The following EIPR1 variants were observed in gnomAD, a reference collection of about 807,000 sequenced individuals.
The protein encoded by EIPR1 is EARP complex and GARP complex interacting protein 1.
Under a neutral mutation model 48.1 loss-of-function variants are expected in EIPR1, and 25 were observed. The ratio of observed to expected loss-of-function variants is 0.52; its 90% CI spans 0.38 to 0.73. The LOEUF (loss-of-function observed/expected upper bound fraction) is 0.73, where lower values mean the gene tolerates loss of function less well. EIPR1 is among the 30% of genes least tolerant of loss of function. The pLI is 0.00. For missense variants in EIPR1, 415 were observed against 506.2 expected, an observed-to-expected ratio of 0.82 and a Z score of 1.73; for synonymous variants, 204 against 201.9, an observed-to-expected ratio of 1.01 and a Z score of -0.09.
At chr2:3,353,398 C>A in intron 2 of EIPR1, 1 of 440,410 alleles carries the variant, frequency 2.3e-6, no homozygotes, top group Admixed American at 2.7e-5. Context: ...TTTTAACATC[C>A]CACCAAATCA....
Position 3,189,801 on chromosome 2 carries a change from C to T in EIPR1, c.990-293G>A, listed in dbSNP as rs753423260. 3.9e-5 allele frequency among the ~76,000 whole-genome samples: 6 copies of T among 152,162 alleles called. No homozygotes were observed. Among genetic ancestry groups the T allele is most frequent in the South Asian group, 2.1e-4 (1 of 4,820 alleles). ...CTTGGTTTCTTCTGTCCTTGGCCCC[C>T]GGGTGCCTGGGTTGATATTTTGTTG... On this transcript the variant is annotated intron_variant, in intron 8 of 8. Coordinates refer to ENST00000382125, the MANE Select transcript of EIPR1 (RefSeq NM_003310.5). The surrounding 1 kb of genome is among the most constrained non-coding windows in gnomAD (Gnocchi z 4.6).
chr2:3,361,375 T>A (rs1470435479), intron 1 of EIPR1, among the ~76,000 whole-genome samples: 1 of 150,644 alleles, frequency 6.6e-6, no homozygotes, highest in African/African-American at 2.5e-5. Context: ...AACAGAGCCA[T>A]CTCTGGCTTC....
In EIPR1 at chr2:3,277,850, T is replaced by C. The variant is rs370668575; in HGVS notation, c.260-20395A>G. On this transcript the variant is annotated intron_variant, in intron 3 of 8. Coordinates refer to ENST00000382125, the MANE Select transcript of EIPR1 (RefSeq NM_003310.5). ...GAGGTGAGCATGGAAAGGAGCTACA[T>C]GAAAAGGCGTGTTTCACGGTGGACT... Among the ~76,000 whole-genome samples the C allele has an allele frequency of 1.7e-4, 26 of 152,314 alleles. 1 individual carries two copies. The South Asian group carries it at 5.2e-3, about 30-fold the overall frequency.
At chr2:3,255,117 A>G (rs1271760136) in intron 4 of EIPR1, among the ~76,000 whole-genome samples, 4 of 152,262 alleles carry the variant, frequency 2.6e-5, no homozygotes, top group Admixed American at 6.5e-5. Context: ...AAATCAGAGC[A>G]AATGGCATTC....
chr2:3,225,804 C>T (rs1666046805), intron 4 of EIPR1, among the ~76,000 whole-genome samples: 1 of 152,084 alleles, frequency 6.6e-6, no homozygotes, highest in South Asian at 2.1e-4. Flanking sequence ...CTTTCCAACC[C>T]CTCCCACCAG....
chr2:3,324,523 G>A (rs1669632984), intron 3 of EIPR1, among the ~76,000 whole-genome samples: 1 of 152,230 alleles, frequency 6.6e-6, no homozygotes, highest in Non-Finnish European at 1.5e-5. Context: ...TGTCTGTCCT[G>A]GGGGGATTCT....
intron 5 of EIPR1, among the ~76,000 whole-genome samples, chr2:3,209,615 A>G (rs931685401): frequency 1.3e-5 from 2 of 152,242 alleles, no homozygotes; most frequent in Non-Finnish European, 2.9e-5. Flanking sequence ...GGGACAATGC[A>G]TAAAAGGAAA....
chr2:3,288,940 G>T (rs542172369), intron 3 of EIPR1, among the ~76,000 whole-genome samples: 1 of 152,304 alleles, frequency 6.6e-6, no homozygotes, highest in East Asian at 1.9e-4. Context: ...GCAGCCACAG[G>T]CCCCCAGCGG....
intron 3 of EIPR1, among the ~76,000 whole-genome samples, chr2:3,281,609 G>C (rs1056583109): frequency 6.6e-6 from 1 of 152,134 alleles, no homozygotes; most frequent in East Asian, 1.9e-4. Context: ...ACGTATACAG[G>C]AACGCGTGCC....
chr2:3,348,200 G>C (rs1255508686), intron 2 of EIPR1, among the ~76,000 whole-genome samples: 1 of 152,170 alleles, frequency 6.6e-6, no homozygotes, highest in Non-Finnish European at 1.5e-5. Flanking sequence ...GTTAGCCAGG[G>C]GAGGAAACGA....
intron 2 of EIPR1, among the ~76,000 whole-genome samples, chr2:3,341,364 G>A (rs1366374741): frequency 6.6e-6 from 1 of 152,226 alleles, no homozygotes; most frequent in Non-Finnish European, 1.5e-5. Flanking sequence ...CTGCTGGGGT[G>A]TCCTTCATGG....
chr2:3,295,871 T>TACAC (rs1668561226), intron 3 of EIPR1, among the ~76,000 whole-genome samples: 1 of 70,472 alleles, frequency 1.4e-5, no homozygotes, highest in African/African-American at 5.6e-5. Flanking sequence ...ATCCTCTCTC[T>TACAC]GCACACACCC....
chr2:3,355,408 T>G (rs1030147814), intron 1 of EIPR1, among the ~76,000 whole-genome samples: 1 of 152,226 alleles, frequency 6.6e-6, no homozygotes, highest in African/African-American at 2.4e-5. Flanking sequence ...AGCAGGCCAG[T>G]GCTCTTAGGC....
intron 4 of EIPR1, among the ~76,000 whole-genome samples, chr2:3,239,824 T>C (rs765806296): frequency 5.9e-5 from 9 of 152,256 alleles, no homozygotes; most frequent in Middle Eastern, 3.2e-3. Flanking sequence ...TCTTTCCATC[T>C]CCTTCCTTAC....
intron 3 of EIPR1, among the ~76,000 whole-genome samples, chr2:3,273,707 C>T (rs1239666696): frequency 6.6e-6 from 1 of 152,080 alleles, no homozygotes; most frequent in African/African-American, 2.4e-5. Context: ...TTGGGCCGCC[C>T]TGGACATTTT....
rs983241926 is a variant in EIPR1, at chr2:3,266,598, C to T, written c.260-9143G>A. Among the ~76,000 whole-genome samples, 6 of 152,182 alleles carry T rather than the reference C, an allele frequency of 3.9e-5. No individual in the cohort carries two copies. The South Asian group carries it at 8.3e-4, about 21-fold the overall frequency. Reference sequence around the variant, plus strand: ...TCCAGGCACTGGTGAGGGGCACCCGCGCCTCTGACAAGCTCTGCTGGCCAG... The same window carrying T: ...TCCAGGCACTGGTGAGGGGCACCCGTGCCTCTGACAAGCTCTGCTGGCCAG... On this transcript the variant is annotated intron_variant, in intron 3 of 8. Coordinates refer to ENST00000382125, the MANE Select transcript of EIPR1 (RefSeq NM_003310.5).
intron 5 of EIPR1, among the ~76,000 whole-genome samples, chr2:3,211,158 AT>A (rs1665441150): frequency 6.6e-6 from 1 of 152,224 alleles, no homozygotes; most frequent in Non-Finnish European, 1.5e-5. Flanking sequence ...TTTTAATAAA[AT>A]ATCAGAAATA....
chr2:3,206,180 G>C, intron 5 of EIPR1, among the ~76,000 whole-genome samples: 1 of 152,210 alleles, frequency 6.6e-6, no homozygotes, highest in Admixed American at 6.5e-5. Context: ...CTCCTGGCGG[G>C]ACACCCAGGC....
At chr2:3,239,107 C>A (rs1408785928) in intron 4 of EIPR1, among the ~76,000 whole-genome samples, 1 of 152,196 alleles carries the variant, frequency 6.6e-6, no homozygotes, top group Non-Finnish European at 1.5e-5. Context: ...CTCTGCCCGG[C>A]CGCCTGCACA....
Sources: gnomAD v4.1 joint callset for allele counts (sites outside exome capture counted in the v4.1 genomes callset) on GRCh38, gnomAD v4.1.1 for gene constraint, Gnocchi (gnomAD v3.1) non-coding constraint, MANE v1.5 for transcripts, NCBI Gene and HGNC (gene_info 2026-07-23, HGNC 2026-07-21) for gene names.